The following CTNND2 variants were observed in gnomAD, a reference collection of about 807,000 sequenced individuals.
The protein encoded by CTNND2 is catenin delta 2.
A neutral mutation model predicts 144.4 loss-of-function variants in CTNND2; 22 were observed. The observed-to-expected ratio is 0.15, with a 90% CI of 0.11 to 0.22. The LOEUF is 0.22. Among genes scored for constraint, CTNND2 ranks in the 10% least tolerant of loss-of-function variants. The pLI, the probability that CTNND2 is intolerant of heterozygous loss-of-function variation, is 1.00. For missense variants in CTNND2, 1,353 were observed against 1,618.8 expected, an observed-to-expected ratio of 0.84 and a Z score of 2.82; for synonymous variants, 751 against 695.6, an observed-to-expected ratio of 1.08 and a Z score of -1.25.
In CTNND2 at chr5:11,781,614, A is replaced by G. The variant is rs146976868; in HGVS notation, c.38-49342T>C. 6.2e-4 allele frequency among the ~76,000 whole-genome samples: 94 copies of G among 152,374 alleles called. 1 individual carries two copies. In the East Asian group the frequency reaches 0.018, roughly 28 times the overall value. On this transcript the variant is annotated intron_variant, in intron 1 of 21. Coordinates refer to ENST00000304623, the MANE Select transcript of CTNND2 (RefSeq NM_001332.4). ...GGTTTTGAAATGAAGAACCATATAT[A>G]TGAGCAAACCTCTGTTTTTGTGTTT...
At chr5:11,694,023 A>G (rs189341912) in intron 2 of CTNND2, among the ~76,000 whole-genome samples, 1 of 152,350 alleles carries the variant, frequency 6.6e-6, no homozygotes, top group African/African-American at 2.4e-5. Flanking sequence ...AACAAAGCTT[A>G]TTGAACACAT....
At chr5:11,184,605 T>C (rs2149805601) in intron 11 of CTNND2, among the ~76,000 whole-genome samples, 1 of 152,340 alleles carries the variant, frequency 6.6e-6, no homozygotes, top group Admixed American at 6.5e-5. Context: ...GTTTTTAAAT[T>C]GCCTGAAAAT....
intron 10 of CTNND2, among the ~76,000 whole-genome samples, chr5:11,233,137 T>C (rs1274567238): frequency 2.0e-5 from 3 of 152,156 alleles, no homozygotes; most frequent in Non-Finnish European, 2.9e-5. Context: ...TATTTCTTCA[T>C]AGCAGCATGA....
At chr5:11,470,853 G>T (rs1439250297) in intron 3 of CTNND2, among the ~76,000 whole-genome samples, 1 of 150,418 alleles carries the variant, frequency 6.6e-6, no homozygotes, top group Non-Finnish European at 1.5e-5. Context: ...GAAGACCACA[G>T]AAGTGAAATC....
At chr5:11,243,971 T>C (rs1365034216) in intron 9 of CTNND2, among the ~76,000 whole-genome samples, 1 of 152,216 alleles carries the variant, frequency 6.6e-6, no homozygotes. Context: ...TTAAAATGTA[T>C]GATAATTTTA....
At chr5:11,749,161 T>C (rs1251992489) in intron 1 of CTNND2, among the ~76,000 whole-genome samples, 5 of 152,026 alleles carry the variant, frequency 3.3e-5, no homozygotes, top group East Asian at 1.9e-4. Flanking sequence ...CTTCAGATGA[T>C]ATAGACCTAG....
chr5:11,074,532 G>A (rs952363841), intron 16 of CTNND2, among the ~76,000 whole-genome samples: 1 of 152,150 alleles, frequency 6.6e-6, no homozygotes. Context: ...TCATCATTGA[G>A]GGTTTGGTTA....
At chr5:11,272,165 A>G (rs977576038) in intron 9 of CTNND2, among the ~76,000 whole-genome samples, 1 of 152,198 alleles carries the variant, frequency 6.6e-6, no homozygotes, top group Admixed American at 6.5e-5. Flanking sequence ...AAATTTGTGG[A>G]TTAATTCAGA....
chr5:11,633,290 A>G (rs73742899), intron 2 of CTNND2, among the ~76,000 whole-genome samples: 2,249 of 152,288 alleles, frequency 0.015, 61 homozygotes, highest in African/African-American at 0.052. Context: ...AACAAAATTA[A>G]CAATTGACTT....
intron 2 of CTNND2, among the ~76,000 whole-genome samples, chr5:11,598,336 G>A (rs1046553630): frequency 4.6e-5 from 7 of 152,094 alleles, no homozygotes; most frequent in Non-Finnish European, 2.9e-5. Context: ...AGGGGGATAC[G>A]TGCTGATGAG....
chr5:11,538,312 A>G (rs1449309868), intron 3 of CTNND2, among the ~76,000 whole-genome samples: 1 of 152,228 alleles, frequency 6.6e-6, no homozygotes, highest in African/African-American at 2.4e-5. Flanking sequence ...TCAGCAAAGC[A>G]TACCAACCTC....
intron 1 of CTNND2, among the ~76,000 whole-genome samples, chr5:11,802,714 C>T (rs773098331): frequency 6.6e-6 from 1 of 152,132 alleles, no homozygotes; most frequent in Non-Finnish European, 1.5e-5. Flanking sequence ...CACTGTATGG[C>T]TGTTTACTAA....
intron 9 of CTNND2, among the ~76,000 whole-genome samples, chr5:11,259,502 C>T (rs1744640428): frequency 6.6e-6 from 1 of 152,226 alleles, no homozygotes; most frequent in South Asian, 2.1e-4. Flanking sequence ...CATCTCACTG[C>T]ATGCTCATGA....
intron 3 of CTNND2, among the ~76,000 whole-genome samples, chr5:11,424,354 G>A (rs918386010): frequency 1.3e-5 from 2 of 152,142 alleles, no homozygotes; most frequent in South Asian, 2.1e-4. Context: ...GCTAAAAAGG[G>A]GTAGCACGGG....
At chr5:11,374,543 A>G (rs1156292113) in intron 7 of CTNND2, among the ~76,000 whole-genome samples, 3 of 152,062 alleles carry the variant, frequency 2.0e-5, no homozygotes, top group African/African-American at 7.2e-5. Flanking sequence ...TATTTTATTC[A>G]TTAGTGACTT....
chr5:10,998,410 C>T (rs1739574320), intron 18 of CTNND2, among the ~76,000 whole-genome samples: 1 of 152,126 alleles, frequency 6.6e-6, no homozygotes, highest in Non-Finnish European at 1.5e-5. Context: ...TGTTTCCTGA[C>T]CCACAGCTCA....
At chr5:11,037,690 T>A (rs1454329264) in intron 16 of CTNND2, among the ~76,000 whole-genome samples, 1 of 152,210 alleles carries the variant, frequency 6.6e-6, no homozygotes, top group Non-Finnish European at 1.5e-5. Flanking sequence ...TTCCTCTGTC[T>A]CCAGTGCTTG....
intron 16 of CTNND2, among the ~76,000 whole-genome samples, chr5:11,025,869 T>C (rs576671785): frequency 1.3e-5 from 2 of 152,330 alleles, no homozygotes; most frequent in East Asian, 3.9e-4. Context: ...CCTCTCCTTC[T>C]ACTGTTTCAG....
chr5:11,860,974 G>A (rs766607381), intron 1 of CTNND2, among the ~76,000 whole-genome samples: 17 of 152,096 alleles, frequency 1.1e-4, no homozygotes, highest in African/African-American at 4.1e-4. Flanking sequence ...ATCTTTCTAT[G>A]GTAAGTATTT....
Sources: gnomAD v4.1 joint callset for allele counts (sites outside exome capture counted in the v4.1 genomes callset) on GRCh38, gnomAD v4.1.1 for gene constraint, MANE v1.5 for transcripts, NCBI Gene and HGNC (gene_info 2026-07-23, HGNC 2026-07-21) for gene names.